SULT6B1: variants seen among roughly 807,000 people sequenced by gnomAD.
SULT6B1 encodes the protein sulfotransferase 6B1.
SULT6B1 carries 44 observed loss-of-function variants against 37.2 expected under a neutral mutation model. The observed-to-expected ratio is 1.18, with a 90% CI of 0.93 to 1.52. The LOEUF (loss-of-function observed/expected upper bound fraction) is 1.52. SULT6B1 is among the 40% of genes most tolerant of loss of function. The pLI, the probability that SULT6B1 is intolerant of heterozygous loss-of-function variation, is 0.00. For missense variants in SULT6B1, 450 were observed against 361.0 expected (o/e 1.25, Z -2.00); for synonymous variants, 140 against 126.0 (o/e 1.11, Z -0.74).
chr2:37,175,265 T>C, intron 4 of SULT6B1, 39 bp from the exon 5 acceptor site: 1 of 1,170,360 alleles, frequency 8.5e-7, no homozygotes. Flanking sequence ...AAATGTCAAA[T>C]AACTGAGGTT....
intron 4 of SULT6B1, among the ~76,000 whole-genome samples, chr2:37,176,235 C>A (rs1004098032): frequency 1.3e-5 from 2 of 151,362 alleles, no homozygotes; most frequent in African/African-American, 4.9e-5. Context: ...AAAAACAGTG[C>A]CTGCTTCATA....
Position 37,171,440 on chromosome 2 carries a change from G to A in SULT6B1, c.775C>T (p.Arg259Cys), listed in dbSNP as rs760252575. The change falls in exon 6 of 7, where the codon CGC (arginine) becomes TGC (cysteine). Residue 259 changes from arginine (R) to cysteine (C), a missense_variant. Transcript: ENST00000535679. ...THGAVGPFLF[R>C]KGEVGDWKNL... ...GAAACCAATGCGACTTTACCTTTGC[G>A]GAAAAGGAATGGGCCGACAGCACCG... is the stretch of plus-strand genomic sequence containing the variant. 1.5e-5 allele frequency: 24 copies of A among 1,612,878 alleles called. No individual in the cohort carries two copies. The highest frequency in any genetic ancestry group is 5.0e-5 in the Admixed American group (3 of 59,790).
chr2:37,179,666 G>C lies in SULT6B1; in HGVS notation c.403-82C>G, dbSNP rs534870143. On this transcript the variant is annotated intron_variant, in intron 3 of 6. Coordinates refer to ENST00000535679, the MANE Select transcript of SULT6B1 (RefSeq NM_001367551.1). ...TTAAAAGGGTGAGCAATATCATCAT[G>C]TCCACTCGTATATTACATAATTGTG... 6 of 1,194,874 alleles carry C rather than the reference G, an allele frequency of 5.0e-6. No homozygotes were observed. In the African/African-American group the frequency reaches 7.5e-5, roughly 15 times the overall value. The allele number at this position is 1,194,874 out of a possible 1,614,324, so 74.0% of individuals were successfully genotyped here.
At chr2:37,172,948 G>A (rs933803104) in intron 5 of SULT6B1, among the ~76,000 whole-genome samples, 1 of 151,952 alleles carries the variant, frequency 6.6e-6, no homozygotes, top group Non-Finnish European at 1.5e-5. Context: ...CACCTCCTGG[G>A]TTCAAGTGAG....
chr2:37,171,113 C>T (rs1338534130), intron 6 of SULT6B1, among the ~76,000 whole-genome samples: 1 of 151,992 alleles, frequency 6.6e-6, no homozygotes, highest in Non-Finnish European at 1.5e-5. Flanking sequence ...GTGGCACGCG[C>T]CTGTTAGTCC....
At chr2:37,178,256 G>T (rs917146774) in intron 4 of SULT6B1, among the ~76,000 whole-genome samples, 1 of 151,240 alleles carries the variant, frequency 6.6e-6, no homozygotes, top group African/African-American at 2.4e-5. Context: ...TTTATTTTTT[G>T]AGTTGGAGTT....
chr2:37,180,326 G>T (rs1195407577), intron 3 of SULT6B1, among the ~76,000 whole-genome samples: 1 of 152,172 alleles, frequency 6.6e-6, no homozygotes, highest in Admixed American at 6.5e-5. Flanking sequence ...TTCAGAAAGG[G>T]GAAAGATGTG....
In SULT6B1 at chr2:37,183,448, A is replaced by G. The variant is rs780403141; in HGVS notation, c.379T>C (p.Ser127Pro). The G allele has an allele frequency of 1.2e-6, 2 of 1,614,098 alleles. No homozygotes were observed. Among genetic ancestry groups the G allele is most frequent in the Non-Finnish European group, 1.7e-6 (2 of 1,179,926 alleles). The change falls in exon 3 of 7, where the codon TCT (serine) becomes CCT (proline). Residue 127 changes from serine to proline, a missense_variant. Coordinates refer to ENST00000535679, the MANE Select transcript of SULT6B1 (RefSeq NM_001367551.1). Reference sequence around the variant, plus strand: ...ACCTTGGCTTTATTCTCGAAGATAGACCCAGGTAATTTGTCATAGTGGAGG... The same window carrying G: ...ACCTTGGCTTTATTCTCGAAGATAGGCCCAGGTAATTTGTCATAGTGGAGG... Reference protein sequence around the residue: ...THLHYDKLPGSIFENKAKILV... With the variant: ...THLHYDKLPGPIFENKAKILV...
chr2:37,168,063 C>T lies in SULT6B1; in HGVS notation c.784G>A (p.Glu262Lys). 1 of 1,581,070 alleles carries T rather than the reference C, an allele frequency of 6.3e-7. No homozygotes were observed. Residue 262 changes from glutamate (E) to lysine (K), a missense_variant and splice_region_variant, in exon 7 of 7, where the codon GAA becomes AAA. Coordinates refer to ENST00000535679, the MANE Select transcript of SULT6B1 (RefSeq NM_001367551.1). ...AVGPFLFRKGEVGDWKNLFSE... is the reference protein window; with the variant it reads ...AVGPFLFRKGKVGDWKNLFSE... ...AACAAATTTTTCCAATCACCAACTT[C>T]ACCTACAACACACAAAAAACAGTAG...
chr2:37,178,723 T>C (rs986509429), intron 4 of SULT6B1, among the ~76,000 whole-genome samples: 13 of 152,256 alleles, frequency 8.5e-5, no homozygotes, highest in African/African-American at 2.7e-4. Context: ...CAAAAACTTA[T>C]TTCTGACAAA....
intron 4 of SULT6B1, among the ~76,000 whole-genome samples, chr2:37,177,409 C>A (rs6734657): frequency 0.021 from 1,151 of 53,950 alleles, 18 homozygotes; most frequent in African/African-American, 0.083. Flanking sequence ...GAAATCTTGT[C>A]TCAAAAAAAA....
At chr2:37,188,737 A>T, upstream of SULT6B1, 1 of 551,892 alleles carries the variant, frequency 1.8e-6, no homozygotes, top group African/African-American at 1.9e-5. Flanking sequence ...GGCTCCTCCC[A>T]GTCACATGAA....
At chr2:37,170,236 A>G (rs1389877039) in intron 6 of SULT6B1, among the ~76,000 whole-genome samples, 1 of 146,912 alleles carries the variant, frequency 6.8e-6, no homozygotes, top group East Asian at 2.1e-4. Context: ...GAGGCCGAGA[A>G]TGGGTGGATC....
chr2:37,168,090 C>G, intron 6 of SULT6B1, 25 bp from the exon 7 acceptor site: 1 of 1,552,538 alleles, frequency 6.4e-7, no homozygotes, highest in Non-Finnish European at 8.6e-7. Flanking sequence ...AAACAGTAGA[C>G]CCAGATATCT....
intron 1 of SULT6B1, among the ~76,000 whole-genome samples, chr2:37,195,164 G>A (rs1259752955): frequency 3.9e-5 from 6 of 152,022 alleles, no homozygotes; most frequent in African/African-American, 1.5e-4. Flanking sequence ...TGGCTAGGCT[G>A]GTCTTGAACT....
intron 4 of SULT6B1, among the ~76,000 whole-genome samples, chr2:37,179,101 G>A (rs1054863597): frequency 6.6e-6 from 1 of 152,176 alleles, no homozygotes; most frequent in East Asian, 1.9e-4. Flanking sequence ...TGGGACTACA[G>A]GTGCGTGCCA....
upstream of SULT6B1, among the ~76,000 whole-genome samples, chr2:37,193,649 AAGG>A (rs1376927733): frequency 6.9e-5 from 8 of 115,202 alleles, no homozygotes; most frequent in South Asian, 2.8e-4. Flanking sequence ...GAAGAAGAAG[AAGG>A]AGAAGAAGGA....
chr2:37,190,191 T>C (rs1056575586), upstream of SULT6B1, among the ~76,000 whole-genome samples: 1 of 152,270 alleles, frequency 6.6e-6, no homozygotes, highest in African/African-American at 2.4e-5. Context: ...CATAATTTAC[T>C]CTTTGGCCTC....
chr2:37,175,341 TTA>T (rs1676402524), intron 4 of SULT6B1, 115 bp from the exon 5 acceptor site: 2 of 440,476 alleles, frequency 4.5e-6, no homozygotes, highest in African/African-American at 2.0e-5. Context: ...CGAGATATCT[TTA>T]TGTTATTATA....
Sources: gnomAD v4.1 joint callset for allele counts (sites outside exome capture counted in the v4.1 genomes callset) on GRCh38, gnomAD v4.1.1 for gene constraint, MANE v1.5 for transcripts, NCBI Gene and HGNC (gene_info 2026-07-23, HGNC 2026-07-21) for gene names.